The following RSRC1 variants were observed in gnomAD, a reference collection of about 807,000 sequenced individuals.
The protein encoded by RSRC1 is arginine and serine rich coiled-coil 1, also known as serine/Arginine-related protein 53.
In RSRC1, 39 loss-of-function variants were observed where a neutral mutation model predicts 49.1. The observed-to-expected ratio is 0.79, with a 90% CI of 0.61 to 1.04. The LOEUF is 1.04. Among genes scored for constraint, RSRC1 ranks in the 50% least tolerant of loss-of-function variants. The pLI, the probability that RSRC1 is intolerant of heterozygous loss-of-function variation, is 0.00. For synonymous variants in RSRC1, 143 were observed against 130.8 expected (o/e 1.09, Z -0.63); for missense variants, 388 against 402.4 (o/e 0.96, Z 0.31).
At chr3:158,263,845 T>G (rs1363554096) in intron 4 of RSRC1, among the ~76,000 whole-genome samples, 1 of 152,178 alleles carries the variant, frequency 6.6e-6, no homozygotes, top group African/African-American at 2.4e-5. Context: ...GGATGTTCTC[T>G]TTTTATCCTT....
intron 7 of RSRC1, among the ~76,000 whole-genome samples, chr3:158,519,313 TAG>T (rs930173691): frequency 1.3e-5 from 2 of 152,052 alleles, no homozygotes; most frequent in African/African-American, 4.8e-5. Flanking sequence ...TCTCTTACAT[TAG>T]AGTGACCAGC....
At chr3:158,480,952 C>T (rs768131485) in intron 7 of RSRC1, among the ~76,000 whole-genome samples, 28 of 151,974 alleles carry the variant, frequency 1.8e-4, no homozygotes, top group Non-Finnish European at 3.8e-4. Flanking sequence ...CTTGATACTG[C>T]TCATCTGAAT....
intron 6 of RSRC1, among the ~76,000 whole-genome samples, chr3:158,442,187 ATGGC>A (rs1736413207): frequency 1.3e-5 from 2 of 152,056 alleles, no homozygotes; most frequent in Admixed American, 1.3e-4. Context: ...GAAGGTTGGG[ATGGC>A]TGTGGCAGTT....
intron 7 of RSRC1, among the ~76,000 whole-genome samples, chr3:158,510,204 T>C (rs1240761917): frequency 6.6e-6 from 1 of 152,230 alleles, no homozygotes; most frequent in Admixed American, 6.5e-5. Context: ...AGATTACTAA[T>C]GGGCTTGAGC....
intron 6 of RSRC1, among the ~76,000 whole-genome samples, chr3:158,366,765 T>C (rs552660144): frequency 7.5e-4 from 114 of 152,316 alleles, no homozygotes; most frequent in African/African-American, 2.7e-3. Context: ...ATGATATTGA[T>C]TCTTCCTATC....
chr3:158,522,332 G>A (rs573042234), intron 7 of RSRC1, among the ~76,000 whole-genome samples: 81 of 151,996 alleles, frequency 5.3e-4, no homozygotes, highest in Admixed American at 4.1e-3. Context: ...CTTTGAGACA[G>A]GTTTCACTCT....
intron 5 of RSRC1, among the ~76,000 whole-genome samples, chr3:158,310,503 A>G (rs1413711771): frequency 6.6e-6 from 1 of 151,826 alleles, no homozygotes; most frequent in Non-Finnish European, 1.5e-5. Flanking sequence ...AACGAATACA[A>G]ATCTTGATTA....
Position 158,544,837 on chromosome 3 carries a change from C to T in RSRC1, c.*562C>T, listed in dbSNP as rs1314260582. On this transcript the variant is annotated 3_prime_UTR_variant, in exon 10 of 10. Transcript: ENST00000611884. ...ATTGGTGATTTTGCTTAGAGATCAG[C>T]TTCTACTAGATGCTCCTTTACAACA... 1 of 152,268 alleles carries T rather than the reference C, an allele frequency of 6.6e-6. No homozygotes were observed. Among genetic ancestry groups the T allele is most frequent in the Admixed American group, 6.5e-5 (1 of 15,284 alleles). 9.4% of individuals were successfully genotyped at this position (152,268 alleles called of 1,614,324 possible).
chr3:158,354,468 A>G (rs7610713), intron 5 of RSRC1, among the ~76,000 whole-genome samples: 79,427 of 151,986 alleles, frequency 0.52, 21,159 homozygotes, highest in African/African-American at 0.61. Flanking sequence ...AGTCTGACTT[A>G]CCTCAAATAT....
intron 6 of RSRC1, among the ~76,000 whole-genome samples, chr3:158,392,782 A>G (rs925200749): frequency 5.9e-5 from 9 of 152,036 alleles, no homozygotes; most frequent in Non-Finnish European, 1.5e-5. Flanking sequence ...GATGTGGAAA[A>G]CTAACAAAGA....
At chr3:158,398,988 G>A (rs1733753945) in intron 6 of RSRC1, among the ~76,000 whole-genome samples, 7 of 151,276 alleles carry the variant, frequency 4.6e-5, no homozygotes, top group South Asian at 4.1e-4. Context: ...ATTTGTGTGT[G>A]TGTGTGTATT....
At chr3:158,252,659 A>G (rs78919801) in intron 4 of RSRC1, among the ~76,000 whole-genome samples, 11,655 of 152,190 alleles carry the variant, frequency 0.077, 535 homozygotes, top group South Asian at 0.13. Context: ...TTTGAGTAGG[A>G]TTGGAATAAG....
intron 7 of RSRC1, among the ~76,000 whole-genome samples, chr3:158,483,615 G>T (rs1021414802): frequency 3.3e-5 from 5 of 151,996 alleles, no homozygotes; most frequent in African/African-American, 9.7e-5. Flanking sequence ...AGGGGTTACA[G>T]ATTACAGTGT....
At chr3:158,201,327 C>G (rs1384343155) in intron 3 of RSRC1, among the ~76,000 whole-genome samples, 1 of 151,988 alleles carries the variant, frequency 6.6e-6, no homozygotes, top group Non-Finnish European at 1.5e-5. Flanking sequence ...TGTAGTATTT[C>G]TAATCATGGT....
chr3:158,542,762 C>G (rs569879220), intron 8 of RSRC1, among the ~76,000 whole-genome samples: 1 of 152,006 alleles, frequency 6.6e-6, no homozygotes, highest in South Asian at 2.1e-4. Context: ...TTGCACAACT[C>G]CATGGATATG....
At chr3:158,225,737 A>C (rs1205990420) in intron 4 of RSRC1, 1 of 449,474 alleles carries the variant, frequency 2.2e-6, no homozygotes, top group Non-Finnish European at 4.4e-6. Flanking sequence ...CCAAATTGTG[A>C]GTAAACCTAT....
intron 4 of RSRC1, among the ~76,000 whole-genome samples, chr3:158,257,253 A>G (rs994057618): frequency 7.2e-5 from 11 of 152,176 alleles, no homozygotes; most frequent in Admixed American, 1.3e-4. Flanking sequence ...AATGTGTCCC[A>G]GAGGTTCTGG....
intron 5 of RSRC1, among the ~76,000 whole-genome samples, chr3:158,340,238 T>G (rs915200110): frequency 6.6e-6 from 1 of 152,152 alleles, no homozygotes; most frequent in African/African-American, 2.4e-5. Context: ...TGCTTCCTCC[T>G]CATTTTTCTC....
At chr3:158,398,046 T>C (rs1733703539) in intron 6 of RSRC1, among the ~76,000 whole-genome samples, 1 of 151,806 alleles carries the variant, frequency 6.6e-6, no homozygotes. Flanking sequence ...GACAGAAGGC[T>C]TGGTAGGGAG....
Sources: gnomAD v4.1 joint callset for allele counts (sites outside exome capture counted in the v4.1 genomes callset) on GRCh38, gnomAD v4.1.1 for gene constraint, MANE v1.5 for transcripts, NCBI Gene and HGNC (gene_info 2026-07-23, HGNC 2026-07-21) for gene names.